STARD7: variants seen among roughly 807,000 people sequenced by gnomAD.
STARD7 encodes the protein StAR related lipid transfer domain containing 7, also known as stAR-related lipid transfer protein 7, mitochondrial.
In STARD7, 30 loss-of-function variants were observed where a neutral mutation model predicts 45.3. That is an observed-to-expected ratio of 0.66 (90% CI 0.50 to 0.90). The LOEUF (loss-of-function observed/expected upper bound fraction) is 0.90, where lower values mean the gene tolerates loss of function less well. Ranked by LOEUF, STARD7 falls within the 40% of genes least tolerant of loss-of-function variation. The pLI is 0.00. For synonymous variants in STARD7, 199 were observed against 183.0 expected (o/e 1.09, Z -0.70); for missense variants, 495 against 491.3 (o/e 1.01, Z -0.07).
At chr2:96,191,647 T>C (rs572112021) in intron 6 of STARD7, among the ~76,000 whole-genome samples, 29 of 150,944 alleles carry the variant, frequency 1.9e-4, no homozygotes, top group Non-Finnish European at 3.4e-4. Context: ...CTCTATCCAG[T>C]GTACTTTTTT....
At chr2:96,192,605 A>C in intron 5 of STARD7, 137 bp from the exon 6 acceptor site, 1 of 673,146 alleles carries the variant, frequency 1.5e-6, no homozygotes. Context: ...CACTAAGATG[A>C]ATAAATACAA....
chr2:96,208,238 T>G lies in STARD7; in HGVS notation c.197A>C (p.His66Pro). 6.2e-7 allele frequency: 1 copy of G among 1,612,284 alleles called. No homozygotes were observed. ...GGCAGAGGCATGGCCAGGACGGCCG[T>G]GCAGCCGGCGCCAGAGGCGGCCGAG... ...VLLGRLWRRL[H>P]GRPGHASALM... The change falls in exon 1 of 8, where the codon CAC becomes CCC. Residue 66 changes from histidine to proline, a missense_variant. His to Pro is a moderately conservative substitution (Grantham distance 77, BLOSUM62 -2). Coordinates refer to ENST00000337288, the MANE Select transcript of STARD7 (RefSeq NM_020151.4).
intron 2 of STARD7, 161 bp downstream of exon 2, chr2:96,195,180 A>G: frequency 1.2e-6 from 1 of 820,994 alleles, no homozygotes; most frequent in East Asian, 2.7e-5. Flanking sequence ...AAGCAAAGAC[A>G]ACACTGAGAC....
At chr2:96,196,091 C>T (rs1358954677) in intron 1 of STARD7, among the ~76,000 whole-genome samples, 2 of 141,184 alleles carry the variant, frequency 1.4e-5, no homozygotes, top group South Asian at 2.3e-4. Context: ...CTAGCCTGGG[C>T]GACAGAGTGA....
intron 1 of STARD7, among the ~76,000 whole-genome samples, chr2:96,198,604 G>C (rs1027124332): frequency 6.6e-6 from 1 of 152,166 alleles, no homozygotes; most frequent in South Asian, 2.1e-4. Flanking sequence ...GTGTGAAATG[G>C]TATCTCATTG....
rs1337520039 is a variant in STARD7, at chr2:96,208,164, G to T, written c.271C>A (p.Gln91Lys). ...GVFVWDEERI[Q>K]EEELQRSINE... ...GCCCACCTCTGCAACTCCTCCTCCT[G>T]GATCCTCTCCTCGTCCCAAACGAAG... Residue 91 changes from glutamine to lysine, a missense_variant, in exon 1 of 8, where the codon CAG becomes AAG. Gln to Lys is a moderately conservative substitution (Grantham distance 53). Around this residue, in one of 2 missense-constraint regions of STARD7, gnomAD observed 282 missense variants for 220.1 expected, o/e 1.28. Coordinates refer to ENST00000337288, the MANE Select transcript of STARD7 (RefSeq NM_020151.4). 4.4e-6 allele frequency: 7 copies of T among 1,595,700 alleles called. No individual in the cohort carries two copies. The East Asian group carries it at 1.6e-4, about 37-fold the overall frequency.
intron 6 of STARD7, among the ~76,000 whole-genome samples, chr2:96,190,281 T>C (rs1683105211): frequency 1.3e-5 from 2 of 151,980 alleles, no homozygotes; most frequent in Admixed American, 6.6e-5. Context: ...TGGAATCAAT[T>C]TGAGCATCAA....
chr2:96,195,609 C>A, intron 1 of STARD7, 60 bp from the exon 2 acceptor site: 4 of 1,347,728 alleles, frequency 3.0e-6, no homozygotes, highest in Non-Finnish European at 4.2e-6. Flanking sequence ...AATGAAGTGT[C>A]CACACAAAGG....
At chr2:96,195,315 C>A (rs1219649433) in intron 2 of STARD7, 26 bp downstream of exon 2, 5 of 1,543,332 alleles carry the variant, frequency 3.2e-6, no homozygotes, top group Non-Finnish European at 4.4e-6. Context: ...ACTATGGAAC[C>A]CAAAAGATAG....
Position 96,208,138 on chromosome 2 carries a change from C to T in STARD7, c.290+7G>A. On this transcript the variant is annotated splice_region_variant and intron_variant, in intron 1 of 7. Transcript: ENST00000337288. ...ACGGCCCAGAAAGAGCTCGCCGCAG[C>T]GCCCACCTCTGCAACTCCTCCTCCT... 1.3e-6 allele frequency: 2 copies of T among 1,545,640 alleles called. No homozygotes were observed. The highest frequency in any genetic ancestry group is 1.7e-6 in the Non-Finnish European group (2 of 1,146,732).
chr2:96,200,002 A>G (rs1683280916), intron 1 of STARD7, among the ~76,000 whole-genome samples: 1 of 152,250 alleles, frequency 6.6e-6, no homozygotes, highest in Admixed American at 6.5e-5. Flanking sequence ...TTCCTTAAAT[A>G]AATCCTACTT....
intron 1 of STARD7, among the ~76,000 whole-genome samples, chr2:96,202,245 G>C (rs1683318351): frequency 6.6e-6 from 1 of 152,170 alleles, no homozygotes; most frequent in Non-Finnish European, 1.5e-5. Context: ...AGGATCTTGA[G>C]GGAGCTGGGA....
rs764810546 is a variant in STARD7, at chr2:96,208,287, A to G, written c.148T>C (p.Ser50Pro). 8.4e-5 allele frequency: 135 copies of G among 1,610,714 alleles called. No individual in the cohort carries two copies. Among genetic ancestry groups the G allele is most frequent in the Non-Finnish European group, 2.0e-5 (23 of 1,179,216 alleles). The change falls in exon 1 of 8, where the codon TCC becomes CCC. Residue 50 changes from serine (S) to proline (P), a missense_variant. Physicochemically the swap from Ser to Pro is moderately conservative, Grantham distance 74. Coordinates refer to ENST00000337288, the MANE Select transcript of STARD7 (RefSeq NM_020151.4). ...AGGAGAACGCGGCGTGAGCTCTCGG[A>G]GTAGAGGCGGCCGTAGAGCTGCGCG... is the stretch of plus-strand genomic sequence containing the variant. ...QIAQLYGRLY[S>P]ESSRRVLLGR...
intron 1 of STARD7, among the ~76,000 whole-genome samples, chr2:96,201,529 A>C (rs2104200783): frequency 6.6e-6 from 1 of 151,954 alleles, no homozygotes; most frequent in African/African-American, 2.4e-5. Flanking sequence ...TCGGGACTGT[A>C]GCGAGCCAAA....
At chr2:96,204,134 G>A (rs891873831) in intron 1 of STARD7, among the ~76,000 whole-genome samples, 2 of 151,770 alleles carry the variant, frequency 1.3e-5, no homozygotes, top group Admixed American at 6.6e-5. Context: ...TGGCACCCCC[G>A]CTGTAGACCC....
chr2:96,194,887 A>G, intron 3 of STARD7, 71 bp downstream of exon 3: 2 of 1,308,906 alleles, frequency 1.5e-6, no homozygotes, highest in Non-Finnish European at 2.2e-6. Context: ...TGAGTCAGAT[A>G]AATGATTCAT....
At chr2:96,189,060 C>T (rs1412229645) in intron 6 of STARD7, among the ~76,000 whole-genome samples, 1 of 151,948 alleles carries the variant, frequency 6.6e-6, no homozygotes, top group African/African-American at 2.4e-5. Flanking sequence ...AGCAGTCATC[C>T]CACCTCAACC....
At chr2:96,195,792 C>T (rs141197677) in intron 1 of STARD7, among the ~76,000 whole-genome samples, 2 of 152,114 alleles carry the variant, frequency 1.3e-5, no homozygotes, top group East Asian at 1.9e-4. Flanking sequence ...AATAATAGTA[C>T]CTATCTCGAG....
At position 96,190,335 on chromosome 2, in the gene STARD7, C is replaced by CTTTTTTT. The variant is rs1253428303; in HGVS notation, c.843+2027_843+2033dup. Among the ~76,000 whole-genome samples the CTTTTTTT allele has an allele frequency of 8.2e-4, 108 of 131,720 alleles. 4 individuals carry two copies. The highest frequency in any genetic ancestry group is 2.1e-4 in the Non-Finnish European group (13 of 61,692). The allele number at this position is 131,720 out of a possible 152,430, so 86.4% of individuals were successfully genotyped here. On this transcript the variant is annotated intron_variant, in intron 6 of 7. Transcript: ENST00000337288. ...AAACTAAGTACATTTAAGTCTGTGT[C>CTTTTTTT]TTTTTTTTTTTTTTTTTTTGAGACG...
Sources: allele counts gnomAD v4.1 joint callset (sites outside exome capture counted in the v4.1 genomes callset), GRCh38; gene constraint gnomAD v4.1.1; regional missense constraint gnomAD v4.1.1; transcripts MANE v1.5; gene names NCBI Gene and HGNC (gene_info 2026-07-23, HGNC 2026-07-21).